The following SLC2A13 variants were observed in gnomAD, a reference collection of about 807,000 sequenced individuals.
SLC2A13 encodes proton myo-inositol cotransporter.
A neutral mutation model predicts 64.4 loss-of-function variants in SLC2A13; 32 were observed. The observed-to-expected ratio is 0.50, with a 90% confidence interval of 0.37 to 0.67. SLC2A13 has a LOEUF of 0.67. Among genes scored for constraint, SLC2A13 ranks in the 30% least tolerant of loss-of-function variants. The pLI, the probability that SLC2A13 is intolerant of heterozygous loss-of-function variation, is 0.00. For missense variants in SLC2A13, 743 were observed against 829.2 expected (o/e 0.90, Z 1.28); for synonymous variants, 338 against 327.1 (o/e 1.03, Z -0.36).
intron 4 of SLC2A13, among the ~76,000 whole-genome samples, chr12:39,905,200 CTG>C: frequency 6.6e-6 from 1 of 152,212 alleles, no homozygotes; most frequent in East Asian, 1.9e-4. Flanking sequence ...ACTCTGAACA[CTG>C]TACTAAAGAA....
chr12:39,998,348 A>G (rs758777039), intron 3 of SLC2A13, among the ~76,000 whole-genome samples: 8 of 152,248 alleles, frequency 5.3e-5, no homozygotes, highest in Non-Finnish European at 1.2e-4. Flanking sequence ...ATGCAAAGGC[A>G]TAAGAATGAA....
chr12:40,007,435 AAATT>A (rs1360199675), intron 3 of SLC2A13, among the ~76,000 whole-genome samples: 5 of 152,180 alleles, frequency 3.3e-5, no homozygotes, highest in African/African-American at 9.7e-5. Context: ...AAGCCACACA[AAATT>A]AATTGACTGT....
intron 7 of SLC2A13, among the ~76,000 whole-genome samples, chr12:39,828,658 CT>C (rs930638302): frequency 1.3e-5 from 2 of 151,012 alleles, no homozygotes; most frequent in Non-Finnish European, 3.0e-5. Flanking sequence ...ATGTACATTT[CT>C]TTTTTTAACA....
chr12:39,921,787 T>C (rs1054825336), intron 4 of SLC2A13, among the ~76,000 whole-genome samples: 3 of 152,160 alleles, frequency 2.0e-5, no homozygotes, highest in Non-Finnish European at 4.4e-5. Flanking sequence ...TACTACATTA[T>C]AGTTTAGAAT....
At chr12:39,799,520 A>C (rs1034196221) in intron 7 of SLC2A13, among the ~76,000 whole-genome samples, 7 of 152,176 alleles carry the variant, frequency 4.6e-5, no homozygotes, top group African/African-American at 1.7e-4. Context: ...CATTTCCCTT[A>C]GAACTGGCAG....
intron 2 of SLC2A13, among the ~76,000 whole-genome samples, chr12:40,044,863 G>A (rs1948147819): frequency 6.6e-6 from 1 of 152,000 alleles, no homozygotes; most frequent in African/African-American, 2.4e-5. Context: ...CAAAAATTAT[G>A]GCTGTTAGAT....
intron 3 of SLC2A13, among the ~76,000 whole-genome samples, chr12:39,994,155 T>G (rs555585057): frequency 1.8e-4 from 27 of 152,146 alleles, no homozygotes; most frequent in Admixed American, 1.4e-3. Context: ...TTCGGGAGGC[T>G]GAGGTGGACG....
intron 4 of SLC2A13, among the ~76,000 whole-genome samples, chr12:39,906,211 G>A (rs192497997): frequency 1.9e-3 from 291 of 152,192 alleles, no homozygotes; most frequent in Non-Finnish European, 3.7e-3. Context: ...AATTCTTGAA[G>A]TCAGTAATTC....
intron 7 of SLC2A13, among the ~76,000 whole-genome samples, chr12:39,812,756 G>A (rs538634405): frequency 6.7e-6 from 1 of 149,204 alleles, no homozygotes; most frequent in South Asian, 2.2e-4. Flanking sequence ...ACGGGCGTGA[G>A]TCATTGCACC....
At chr12:39,835,303 T>TAA (rs1942975734) in intron 6 of SLC2A13, among the ~76,000 whole-genome samples, 1 of 152,024 alleles carries the variant, frequency 6.6e-6, no homozygotes, top group African/African-American at 2.4e-5. Context: ...AAGACAGAAA[T>TAA]ACCTATGATC....
intron 3 of SLC2A13, among the ~76,000 whole-genome samples, chr12:39,969,604 A>G (rs1209679255): frequency 6.6e-6 from 1 of 152,208 alleles, no homozygotes; most frequent in Non-Finnish European, 1.5e-5. Context: ...TCTTCTTTTG[A>G]GAAGTGTCTG....
In SLC2A13 at chr12:39,764,734, TA is replaced by T; in HGVS notation, c.1567+2del. 1 of 1,611,800 alleles carries T rather than the reference TA, an allele frequency of 6.2e-7. No homozygotes were observed. Among genetic ancestry groups the T allele is most frequent in the Non-Finnish European group, 8.5e-7 (1 of 1,179,086 alleles). On this transcript the variant is annotated splice_donor_variant, in intron 8 of 9. Transcript: ENST00000280871. LOFTEE classifies it high-confidence loss of function. ...GCAACAGTATAACAAAGTCTTTGTT[TA>T]CCAGGTGCAAAGAAGACAAGATATA...
intron 4 of SLC2A13, among the ~76,000 whole-genome samples, chr12:39,922,708 A>C (rs981367287): frequency 1.3e-5 from 2 of 152,320 alleles, no homozygotes; most frequent in Non-Finnish European, 2.9e-5. Context: ...ACAAAGGGTC[A>C]AGCCTATTGC....
chr12:39,962,752 A>G (rs1376992613), intron 3 of SLC2A13, among the ~76,000 whole-genome samples: 1 of 152,240 alleles, frequency 6.6e-6, no homozygotes, highest in Non-Finnish European at 1.5e-5. Context: ...CTATACAACC[A>G]TAATCAGTGT....
rs143980595 is a variant in SLC2A13, at chr12:39,807,441, A to C, written c.1445+22662T>G. ...ATTATGCAAGTTGTTATTCAGGGGA[A>C]CTGGGTAAAGAGTACATGGGATCTC... On this transcript the variant is annotated intron_variant, in intron 7 of 9. Coordinates refer to ENST00000280871, the MANE Select transcript of SLC2A13 (RefSeq NM_052885.4). 2.6e-3 allele frequency among the ~76,000 whole-genome samples: 396 copies of C among 152,326 alleles called. 2 individuals carry two copies. Among genetic ancestry groups the C allele is most frequent in the African/African-American group, 8.7e-3 (362 of 41,584 alleles).
chr12:40,051,971 G>A, intron 1 of SLC2A13, among the ~76,000 whole-genome samples: 1 of 152,060 alleles, frequency 6.6e-6, no homozygotes, highest in East Asian at 1.9e-4. Flanking sequence ...CAATGGTGAT[G>A]GACTGAAATG....
intron 1 of SLC2A13, among the ~76,000 whole-genome samples, chr12:40,082,916 C>T (rs1306970603): frequency 6.6e-6 from 1 of 152,096 alleles, no homozygotes; most frequent in African/African-American, 2.4e-5. Flanking sequence ...GGGTTTCCTC[C>T]CCCACTTCAG....
At chr12:39,971,360 A>T (rs1946643440) in intron 3 of SLC2A13, among the ~76,000 whole-genome samples, 1 of 152,234 alleles carries the variant, frequency 6.6e-6, no homozygotes, top group Non-Finnish European at 1.5e-5. Flanking sequence ...TTTGGTTTTT[A>T]AAAATATTTC....
chr12:39,851,446 T>C (rs1488007544), intron 6 of SLC2A13, among the ~76,000 whole-genome samples: 1 of 152,210 alleles, frequency 6.6e-6, no homozygotes, highest in East Asian at 1.9e-4. Flanking sequence ...TGATAATTAT[T>C]AAAAATGAGC....
Sources: gnomAD v4.1 joint callset for allele counts (sites outside exome capture counted in the v4.1 genomes callset) on GRCh38, gnomAD v4.1.1 for gene constraint, MANE v1.5 for transcripts, NCBI Gene and HGNC (gene_info 2026-07-23, HGNC 2026-07-21) for gene names.